RETREG1: variants seen among roughly 807,000 people sequenced by gnomAD.
The protein encoded by RETREG1 is family with sequence similarity 134 member B.
RETREG1 carries 44 observed loss-of-function variants against 54.8 expected under a neutral mutation model. The ratio of observed to expected loss-of-function variants is 0.80; its 90% CI spans 0.63 to 1.03. RETREG1 has a LOEUF of 1.03. Ranked by LOEUF, RETREG1 falls within the 50% of genes least tolerant of loss-of-function variation. The probability of loss-of-function intolerance (pLI) is 0.00; values close to 1 mark genes in which losing one functional copy is unlikely to be tolerated. For missense variants in RETREG1, 554 were observed against 605.1 expected, an observed-to-expected ratio of 0.92 and a Z score of 0.89; for synonymous variants, 217 against 238.5, an observed-to-expected ratio of 0.91 and a Z score of 0.83.
At chr5:16,563,527 TG>T (rs1741925569) in intron 3 of RETREG1, among the ~76,000 whole-genome samples, 1 of 152,166 alleles carries the variant, frequency 6.6e-6, no homozygotes, top group Non-Finnish European at 1.5e-5. Flanking sequence ...CCCAAATTTC[TG>T]GGATTACAAA....
chr5:16,572,256 A>C (rs1742196619), intron 1 of RETREG1, among the ~76,000 whole-genome samples, 154 bp from the exon 2 acceptor site: 1 of 146,374 alleles, frequency 6.8e-6, no homozygotes, highest in Non-Finnish European at 1.5e-5. Context: ...TCTGTTGCCC[A>C]GGCTGGAGTG....
intron 3 of RETREG1, among the ~76,000 whole-genome samples, chr5:16,532,504 T>C (rs764141594): frequency 6.6e-6 from 1 of 152,174 alleles, no homozygotes; most frequent in African/African-American, 2.4e-5. Flanking sequence ...TGAGCTAACA[T>C]TGTGTTAGCT....
At chr5:16,592,740 A>G (rs2126344249) in intron 1 of RETREG1, among the ~76,000 whole-genome samples, 1 of 152,240 alleles carries the variant, frequency 6.6e-6, no homozygotes. Flanking sequence ...CATGTCCGGT[A>G]TGGGAACATG....
At chr5:16,514,256 T>G (rs895416412) in intron 3 of RETREG1, among the ~76,000 whole-genome samples, 1 of 152,080 alleles carries the variant, frequency 6.6e-6, no homozygotes, top group African/African-American at 2.4e-5. Flanking sequence ...ATTCTTATTT[T>G]TAACCTAGAA....
intron 3 of RETREG1, among the ~76,000 whole-genome samples, chr5:16,487,637 C>T (rs545031936): frequency 8.5e-5 from 13 of 152,294 alleles, no homozygotes; most frequent in South Asian, 8.3e-4. Flanking sequence ...TTCCTTCTTA[C>T]GGAAAAACTA....
chr5:16,571,244 G>A (rs753860247), intron 2 of RETREG1, among the ~76,000 whole-genome samples: 8 of 152,054 alleles, frequency 5.3e-5, no homozygotes, highest in Non-Finnish European at 7.4e-5. Context: ...CAGTCCACAC[G>A]GACCTCCACC....
chr5:16,487,905 AT>A (rs373980535), intron 3 of RETREG1, among the ~76,000 whole-genome samples: 97 of 152,304 alleles, frequency 6.4e-4, no homozygotes, highest in African/African-American at 2.3e-3. Flanking sequence ...TTAGAATACA[AT>A]TTACCATATA....
intron 2 of RETREG1, 112 bp from the exon 3 acceptor site, chr5:16,565,905 A>G: frequency 1.8e-6 from 2 of 1,106,122 alleles, no homozygotes; most frequent in South Asian, 2.7e-5. Context: ...CAGATCTCTA[A>G]CACTCAGGAC....
At chr5:16,528,214 G>A (rs1188129546) in intron 3 of RETREG1, among the ~76,000 whole-genome samples, 1 of 151,908 alleles carries the variant, frequency 6.6e-6, no homozygotes, top group African/African-American at 2.4e-5. Flanking sequence ...CAATAAACCT[G>A]GCATAAAGAG....
intron 1 of RETREG1, among the ~76,000 whole-genome samples, chr5:16,615,078 A>G (rs532288821): frequency 4.6e-5 from 7 of 152,322 alleles, no homozygotes; most frequent in African/African-American, 1.7e-4. Context: ...TTAGTTTTTT[A>G]AAGAAATAAA....
At chr5:16,558,663 A>G (rs1741775643) in intron 3 of RETREG1, among the ~76,000 whole-genome samples, 2 of 152,260 alleles carry the variant, frequency 1.3e-5, no homozygotes, top group African/African-American at 2.4e-5. Flanking sequence ...ACAAGATTAT[A>G]AAGTGCAAGT....
rs975224826 is a variant in RETREG1 at position 16,563,940 on chromosome 5, G to A, written c.458+1823C>T. On this transcript the variant is annotated intron_variant, in intron 3 of 8. Coordinates refer to ENST00000306320, the MANE Select transcript of RETREG1 (RefSeq NM_001034850.3). ...TAGAAATTATGTCATCATATCCATT[G>A]ACAATATATCTTAAATTTCTGTTTC... 2.6e-5 allele frequency among the ~76,000 whole-genome samples: 4 copies of A among 152,034 alleles called. 1 individual carries two copies. In the South Asian group the frequency reaches 6.2e-4, roughly 24 times the overall value.
At chr5:16,615,504 C>A (rs1743478480) in intron 1 of RETREG1, among the ~76,000 whole-genome samples, 1 of 151,852 alleles carries the variant, frequency 6.6e-6, no homozygotes, top group South Asian at 2.1e-4. Flanking sequence ...TAGACTATTG[C>A]CCAATCTAGC....
At chr5:16,479,408 T>G (rs202204688) in intron 5 of RETREG1, among the ~76,000 whole-genome samples, 1 of 152,276 alleles carries the variant, frequency 6.6e-6, no homozygotes, top group East Asian at 1.9e-4. Context: ...CTGGTTTAAC[T>G]GTGTTTATTC....
chr5:16,475,261 A>G lies in RETREG1; in HGVS notation c.1001-27T>C, dbSNP rs781258934. On this transcript the variant is annotated intron_variant, in intron 8 of 8. Coordinates refer to ENST00000306320, the MANE Select transcript of RETREG1 (RefSeq NM_001034850.3). Reference sequence around the variant, plus strand: ...TGTGAAATGGATAACAGAAGTTCAGACTGAAGCACCATAACAAATTTCAAA... The same window carrying G: ...TGTGAAATGGATAACAGAAGTTCAGGCTGAAGCACCATAACAAATTTCAAA... 6 of 1,606,598 alleles carry G rather than the reference A, an allele frequency of 3.7e-6. No individual in the cohort carries two copies. In the South Asian group the frequency reaches 6.6e-5, roughly 18 times the overall value.
At chr5:16,546,417 C>T (rs1310255969) in intron 3 of RETREG1, among the ~76,000 whole-genome samples, 2 of 152,246 alleles carry the variant, frequency 1.3e-5, no homozygotes, top group Non-Finnish European at 2.9e-5. Context: ...ATCCTCCTGC[C>T]TTGGCCTCCC....
chr5:16,533,106 G>A (rs1426825205), intron 3 of RETREG1, among the ~76,000 whole-genome samples: 2 of 151,606 alleles, frequency 1.3e-5, no homozygotes, highest in Admixed American at 6.6e-5. Flanking sequence ...GTGCAGTGGC[G>A]CTACCTAGGC....
chr5:16,571,015 G>T (rs1010445195), intron 2 of RETREG1, among the ~76,000 whole-genome samples: 1 of 151,078 alleles, frequency 6.6e-6, no homozygotes, highest in Non-Finnish European at 1.5e-5. Flanking sequence ...GGAAACACAC[G>T]AATATAAAAC....
rs188496080 is a variant in RETREG1 at position 16,549,781 on chromosome 5, C to T, written c.458+15982G>A. On this transcript the variant is annotated intron_variant, in intron 3 of 8. Transcript: ENST00000306320. ...TCAGTTTTCGTGCCACAGCAGATGA[C>T]TCCTGAGTCATGATTGAAAATATCA... 3.9e-5 allele frequency among the ~76,000 whole-genome samples: 6 copies of T among 152,250 alleles called. No homozygotes were observed. The East Asian group carries it at 1.2e-3, about 29-fold the overall frequency.
Sources: allele counts gnomAD v4.1 joint callset (sites outside exome capture counted in the v4.1 genomes callset), GRCh38; gene constraint gnomAD v4.1.1; transcripts MANE v1.5; gene names NCBI Gene and HGNC (gene_info 2026-07-23, HGNC 2026-07-21).